HPSE2: variants seen among roughly 807,000 people sequenced by gnomAD.
HPSE2 encodes heparanase 2 (inactive).
Under a neutral mutation model 60.5 loss-of-function variants are expected in HPSE2, and 38 were observed. The ratio of observed to expected loss-of-function variants is 0.63; its 90% CI spans 0.48 to 0.82. The LOEUF (loss-of-function observed/expected upper bound fraction) is 0.82. Among genes scored for constraint, HPSE2 ranks in the 40% least tolerant of loss-of-function variants. The pLI, the probability that HPSE2 is intolerant of heterozygous loss-of-function variation, is 0.00. For synonymous variants in HPSE2, 295 were observed against 293.2 expected (o/e 1.01, Z -0.06); for missense variants, 713 against 740.4 (o/e 0.96, Z 0.43).
At chr10:99,101,215 C>G (rs1843966345) in intron 3 of HPSE2, among the ~76,000 whole-genome samples, 1 of 152,046 alleles carries the variant, frequency 6.6e-6, no homozygotes, top group Non-Finnish European at 1.5e-5. Context: ...AGAGTCAAGA[C>G]CCATCAGTGT....
chr10:99,164,277 ATATAT>A (rs1194435241), intron 2 of HPSE2, among the ~76,000 whole-genome samples: 4 of 92,522 alleles, frequency 4.3e-5, no homozygotes, highest in Non-Finnish European at 2.2e-5. Context: ...ATATATATAT[ATATAT>A]GAACTTATGA....
chr10:99,211,886 A>C (rs905286863), intron 2 of HPSE2, among the ~76,000 whole-genome samples: 2 of 152,212 alleles, frequency 1.3e-5, no homozygotes, highest in African/African-American at 4.8e-5. Flanking sequence ...TGCACAGCCA[A>C]GGAAACAATC....
chr10:99,198,488 T>C (rs1353857143), intron 2 of HPSE2, among the ~76,000 whole-genome samples: 1 of 152,188 alleles, frequency 6.6e-6, no homozygotes, highest in Non-Finnish European at 1.5e-5. Flanking sequence ...ATAAAAGACA[T>C]GGACTCCACT....
chr10:98,634,514 G>A (rs995555763), intron 7 of HPSE2, among the ~76,000 whole-genome samples: 21 of 137,082 alleles, frequency 1.5e-4, no homozygotes, highest in Non-Finnish European at 2.8e-4. Context: ...TCAAGAAGAA[G>A]TGGGTTTTTG....
chr10:99,106,794 T>C (rs1327493685), intron 3 of HPSE2, among the ~76,000 whole-genome samples: 1 of 152,144 alleles, frequency 6.6e-6, no homozygotes, highest in African/African-American at 2.4e-5. Flanking sequence ...GTGGTTATTT[T>C]CCAAAGTTTC....
At chr10:99,276,583 T>C in the HPSE2 span, among the ~76,000 whole-genome samples, 2 of 152,162 alleles carry the variant, frequency 1.3e-5, no homozygotes, top group African/African-American at 2.4e-5. Context: ...ATTCCAGAAT[T>C]CTTTTTACAT....
intron 3 of HPSE2, among the ~76,000 whole-genome samples, chr10:98,781,137 A>G (rs1180548160): frequency 5.3e-5 from 8 of 152,120 alleles, no homozygotes; most frequent in Non-Finnish European, 1.0e-4. Context: ...AACAAAAGCT[A>G]AACTTTTGTT....
intron 3 of HPSE2, among the ~76,000 whole-genome samples, chr10:99,106,590 G>T (rs1844258332): frequency 6.6e-6 from 1 of 151,406 alleles, no homozygotes; most frequent in African/African-American, 2.4e-5. Flanking sequence ...GACTTTGTTA[G>T]TAAGTTATTA....
chr10:98,881,035 A>G (rs1953008032), intron 3 of HPSE2, among the ~76,000 whole-genome samples: 1 of 151,936 alleles, frequency 6.6e-6, no homozygotes, highest in African/African-American at 2.4e-5. Flanking sequence ...TTGTTCCTCT[A>G]TTTGAGGACA....
the HPSE2 span, among the ~76,000 whole-genome samples, chr10:99,309,852 T>C: frequency 6.6e-6 from 1 of 152,266 alleles, no homozygotes; most frequent in African/African-American, 2.4e-5. Flanking sequence ...TCAACATTTG[T>C]ATATGCTATA....
the HPSE2 span, among the ~76,000 whole-genome samples, chr10:99,294,748 A>C: frequency 1.3e-5 from 2 of 151,996 alleles, no homozygotes; most frequent in African/African-American, 4.8e-5. Context: ...AGCCTGGCCA[A>C]CATAGTGCAA....
At chr10:98,829,281 G>A (rs916266388) in intron 3 of HPSE2, among the ~76,000 whole-genome samples, 1 of 152,152 alleles carries the variant, frequency 6.6e-6, no homozygotes. Flanking sequence ...TGTAATCCCA[G>A]CACTTTGGGA....
chr10:99,104,048 C>G (rs921590388), intron 3 of HPSE2, among the ~76,000 whole-genome samples: 1 of 152,180 alleles, frequency 6.6e-6, no homozygotes, highest in African/African-American at 2.4e-5. Flanking sequence ...AAAACTTAGG[C>G]AATACCATTC....
intron 3 of HPSE2, among the ~76,000 whole-genome samples, chr10:99,081,606 G>GATA (rs1407550158): frequency 1.3e-5 from 2 of 150,960 alleles, no homozygotes; most frequent in Non-Finnish European, 1.5e-5. Context: ...TGATGATGAT[G>GATA]ATGATGATGA....
intron 3 of HPSE2, among the ~76,000 whole-genome samples, chr10:99,132,196 AGAGAGAGAGAGAGAGAGAGAGAGAG>A (rs1845441592): frequency 9.2e-5 from 4 of 43,514 alleles, no homozygotes; most frequent in African/African-American, 3.4e-4. Context: ...AAAGAAAGAG[AGAGAGAGAGAGAGAGAGAGAGAGAG>A]AGAGAGAGAG....
At chr10:99,263,051 T>A in the HPSE2 span, among the ~76,000 whole-genome samples, 1 of 152,158 alleles carries the variant, frequency 6.6e-6, no homozygotes, top group African/African-American at 2.4e-5. Context: ...TTGACCTTAC[T>A]GTTTTAAGCT....
At chr10:99,264,625 C>T in the HPSE2 span, among the ~76,000 whole-genome samples, 1 of 152,300 alleles carries the variant, frequency 6.6e-6, no homozygotes, top group African/African-American at 2.4e-5. Context: ...ATTGAACCCC[C>T]TTGGGCACTG....
intron 6 of HPSE2, among the ~76,000 whole-genome samples, chr10:98,666,350 C>T (rs1389225064): frequency 3.3e-5 from 5 of 152,200 alleles, no homozygotes; most frequent in East Asian, 3.9e-4. Context: ...CTTTAACACT[C>T]CACTGACAGT....
chr10:99,134,962 C>G (rs1845586304), intron 3 of HPSE2, among the ~76,000 whole-genome samples: 2 of 152,072 alleles, frequency 1.3e-5, no homozygotes, highest in South Asian at 4.2e-4. Context: ...GTGCTGTATT[C>G]AGGAGACCCA....
Sources: allele counts gnomAD v4.1 joint callset (sites outside exome capture counted in the v4.1 genomes callset), GRCh38; gene constraint gnomAD v4.1.1; transcripts MANE v1.5; gene names NCBI Gene and HGNC (gene_info 2026-07-23, HGNC 2026-07-21).